Variants in ATG2B observed in about 807,000 individuals in gnomAD.
The protein encoded by ATG2B is autophagy-related protein 2 homolog B.
In ATG2B, 121 loss-of-function variants were observed where a neutral mutation model predicts 241.3. That is an observed-to-expected ratio of 0.50 (90% CI 0.43 to 0.58). ATG2B has a LOEUF of 0.58. Among genes scored for constraint, ATG2B ranks in the 20% least tolerant of loss-of-function variants. ATG2B has a pLI of 0.00. For synonymous variants in ATG2B, 858 were observed against 876.6 expected (o/e 0.98, Z 0.37); for missense variants, 2,306 against 2,491.6 (o/e 0.93, Z 1.59).
In ATG2B at chr14:96,356,477, A is replaced by AT. The variant is rs749858833; in HGVS notation, c.162+6337dup. Among the ~76,000 whole-genome samples the AT allele has an allele frequency of 3.9e-3, 590 of 150,868 alleles. 6 individuals carry two copies. The highest frequency in any genetic ancestry group is 0.013 in the African/African-American group (542 of 41,494). ...CAAAATCATGTGTTAACATATCATA[A>AT]TTTTTTTTAACGTAGTACTGGTTTG... On this transcript the variant is annotated intron_variant, in intron 1 of 41. Coordinates refer to ENST00000359933, the MANE Select transcript of ATG2B (RefSeq NM_018036.7).
At position 96,315,136 on chromosome 14, in the gene ATG2B, A is replaced by T. The variant is rs775506709; in HGVS notation, c.3642+18T>A. ...CAAATTTTTAAATAAATTAATACAT[A>T]TATAACAGCTCTCTTACCTGCTCAT... On this transcript the variant is annotated intron_variant, in intron 23 of 41. Coordinates refer to ENST00000359933, the MANE Select transcript of ATG2B (RefSeq NM_018036.7). 2 of 1,596,606 alleles carry T rather than the reference A, an allele frequency of 1.3e-6. No individual in the cohort carries two copies. The highest frequency in any genetic ancestry group is 1.7e-5 in the Admixed American group (1 of 59,612).
rs149587278 is a variant in ATG2B, at chr14:96,354,054, A to G, written c.163-6713T>C. 5.4e-3 allele frequency among the ~76,000 whole-genome samples: 820 copies of G among 152,346 alleles called. 27 individuals carry two copies. The South Asian group carries it at 0.067, about 13-fold the overall frequency. On this transcript the variant is annotated intron_variant, in intron 1 of 41. Coordinates refer to ENST00000359933, the MANE Select transcript of ATG2B (RefSeq NM_018036.7). ...AATAAAAAGTAAGTCAATTTTAAAC[A>G]TACAAGGAATATGTAGTTTTTTAAA...
rs564164140 is a variant in ATG2B at position 96,355,592 on chromosome 14, A to T, written c.162+7223T>A. 2.6e-5 allele frequency among the ~76,000 whole-genome samples: 4 copies of T among 152,310 alleles called. No individual in the cohort carries two copies. The East Asian group carries it at 7.7e-4, about 29-fold the overall frequency. On this transcript the variant is annotated intron_variant, in intron 1 of 41. Coordinates refer to ENST00000359933, the MANE Select transcript of ATG2B (RefSeq NM_018036.7). ...CACAGAGTTACTGTGACCATTAATG[A>T]GGTAATATATGTAAAACTACCAACA... is the stretch of plus-strand genomic sequence containing the variant.
intron 33 of ATG2B, 52 bp from the exon 34 acceptor site, chr14:96,302,160 C>A (rs1011778850): frequency 2.7e-6 from 3 of 1,108,952 alleles, no homozygotes; most frequent in Non-Finnish European, 4.0e-6. Flanking sequence ...TGATGACCTT[C>A]TTCTCTTTAA....
chr14:96,328,215 T>C lies in ATG2B; in HGVS notation c.2163+132A>G, dbSNP rs916950714. On this transcript the variant is annotated intron_variant, in intron 14 of 41. Coordinates refer to ENST00000359933, the MANE Select transcript of ATG2B (RefSeq NM_018036.7). Reference sequence around the variant, plus strand: ...AAGACATAAAAGATGTCTCCTTTTTTTATTATTACAAATAATGCTATTTTA... The same window carrying C: ...AAGACATAAAAGATGTCTCCTTTTTCTATTATTACAAATAATGCTATTTTA... 8.3e-6 allele frequency: 5 copies of C among 599,252 alleles called. No individual in the cohort carries two copies. In the East Asian group the frequency reaches 1.2e-4, roughly 14 times the overall value. The allele number at this position is 599,252 out of a possible 1,614,324, so 37.1% of individuals were successfully genotyped here. A position where few individuals can be genotyped will look rare whatever the true frequency, so the allele number is the denominator to read the frequency against.
chr14:96,331,519 C>A lies in ATG2B; in HGVS notation c.1587G>T (p.Thr529=). 6.2e-7 allele frequency: 1 copy of A among 1,614,050 alleles called. No homozygotes were observed. Among genetic ancestry groups the A allele is most frequent in the Middle Eastern group, 1.7e-4 (1 of 6,060 alleles). ...LHIDPLSPPE[T]SQNLNPLTPM... is the part of the protein sequence containing the mutation. Reference sequence around the variant, plus strand: ...GTGTCAATGGATTAAGGTTCTGTGACGTTTCAGGTGGAGATAAAGGATCAA... The same window carrying A: ...GTGTCAATGGATTAAGGTTCTGTGAAGTTTCAGGTGGAGATAAAGGATCAA... Residue 529 remains threonine, a synonymous_variant, in exon 11 of 42, where the codon ACG becomes ACT. Coordinates refer to ENST00000359933, the MANE Select transcript of ATG2B (RefSeq NM_018036.7).
At chr14:96,315,099 T>C (rs1285921493) in intron 23 of ATG2B, 55 bp downstream of exon 23, 36 of 1,307,586 alleles carry the variant, frequency 2.8e-5, no homozygotes, top group Non-Finnish European at 3.9e-5. Context: ...GTATGTGTAT[T>C]AGATGTCAAC....
chr14:96,328,569 A>C, intron 13 of ATG2B, 34 bp from the exon 14 acceptor site: 1 of 1,570,080 alleles, frequency 6.4e-7, no homozygotes, highest in Admixed American at 2.0e-5. Context: ...GCATTAATAC[A>C]ATCACTAAAA....
chr14:96,347,255 C>G lies in ATG2B; in HGVS notation c.249G>C (p.Trp83Cys), dbSNP rs1888193727. The G allele has an allele frequency of 1.9e-6, 3 of 1,611,918 alleles. No individual in the cohort carries two copies. The highest frequency in any genetic ancestry group is 2.5e-6 in the Non-Finnish European group (3 of 1,178,360). The change falls in exon 2 of 42, where the codon TGG becomes TGC. Residue 83 changes from tryptophan to cysteine, a missense_variant. Coordinates refer to ENST00000359933, the MANE Select transcript of ATG2B (RefSeq NM_018036.7). ...CACAATTATCCTGCAGTAAAGAGCC[C>G]CATGGAACTGACAGGGAAATTGACT... ...FIQSISLSVP[W>C]GSLLQDNCAL...
chr14:96,336,830 C>T (rs958256711), intron 6 of ATG2B, among the ~76,000 whole-genome samples: 2 of 152,144 alleles, frequency 1.3e-5, no homozygotes, highest in Admixed American at 1.3e-4. Context: ...ACCTGTTCTG[C>T]TAACAATCCC....
intron 16 of ATG2B, among the ~76,000 whole-genome samples, chr14:96,323,353 C>T (rs1595311559): frequency 6.6e-6 from 1 of 152,284 alleles, no homozygotes; most frequent in African/African-American, 2.4e-5. Flanking sequence ...TAAGCTTCTA[C>T]AGAACATCTC....
At chr14:96,295,308 C>T (rs1354927518) in intron 35 of ATG2B, 141 bp from the exon 36 acceptor site, 7 of 977,878 alleles carry the variant, frequency 7.2e-6, no homozygotes, top group Non-Finnish European at 1.0e-5. Flanking sequence ...TTGCTTTCAC[C>T]TTTTAAATTA....
Position 96,363,171 on chromosome 14 carries a change from G to C in ATG2B, c.-195C>G, listed in dbSNP as rs868064641. On this transcript the variant is annotated 5_prime_UTR_variant, in exon 1 of 42. Transcript: ENST00000359933. ...CTCGCGCTGGGCCTGGCGGAGGCAAGACGCAGAGGGGTCCTCCTGGCCCCA... is the reference window on the plus strand; with the variant it reads ...CTCGCGCTGGGCCTGGCGGAGGCAACACGCAGAGGGGTCCTCCTGGCCCCA... 6.7e-6 allele frequency: 4 copies of C among 592,952 alleles called. No individual in the cohort carries two copies. Among genetic ancestry groups the C allele is most frequent in the Middle Eastern group, 4.5e-4 (1 of 2,206 alleles). 36.7% of individuals were successfully genotyped at this position (592,952 alleles called of 1,614,324 possible).
intron 1 of ATG2B, among the ~76,000 whole-genome samples, chr14:96,354,446 G>C (rs1164314335): frequency 6.6e-6 from 1 of 152,164 alleles, no homozygotes; most frequent in African/African-American, 2.4e-5. Flanking sequence ...GCCTGCAAAG[G>C]ACATGATCTC....
intron 1 of ATG2B, among the ~76,000 whole-genome samples, chr14:96,362,601 A>C (rs749095503): frequency 2.0e-5 from 3 of 151,090 alleles, no homozygotes; most frequent in African/African-American, 7.3e-5. Context: ...ATTCCATTAC[A>C]TCTGTTAAAG....
intron 8 of ATG2B, 94 bp downstream of exon 8, chr14:96,333,594 T>C (rs1186653241): frequency 8.6e-7 from 1 of 1,165,304 alleles, no homozygotes; most frequent in Admixed American, 2.5e-5. Context: ...TGTTCTTTCA[T>C]TCCTAAACTT....
In ATG2B at chr14:96,306,807, T is replaced by C; in HGVS notation, c.4413A>G (p.Ser1471=). 1 of 1,614,168 alleles carries C rather than the reference T, an allele frequency of 6.2e-7. No homozygotes were observed. The highest frequency in any genetic ancestry group is 8.5e-7 in the Non-Finnish European group (1 of 1,180,032). Residue 1471 remains serine (S), a synonymous_variant, in exon 30 of 42, where the codon TCA becomes TCG. Transcript: ENST00000359933. ...CATCACTGATGAAATGGTGAGAGAA[T>C]GAGGCATAGGTGGGGCCGGACTCCT... is the stretch of plus-strand genomic sequence containing the variant. ...VSQESGPTYA[S]FSHHFISDAM...
At chr14:96,352,644 G>A (rs540525262) in intron 1 of ATG2B, among the ~76,000 whole-genome samples, 1 of 151,544 alleles carries the variant, frequency 6.6e-6, no homozygotes, top group East Asian at 1.9e-4. Context: ...ACAAAAAAAT[G>A]CTTATAGCAT....
intron 36 of ATG2B, among the ~76,000 whole-genome samples, 162 bp from the exon 37 acceptor site, chr14:96,292,260 C>T (rs1886506743): frequency 1.3e-5 from 2 of 152,144 alleles, no homozygotes; most frequent in African/African-American, 2.4e-5. Flanking sequence ...TTAGCTCTAT[C>T]TTTTCCTAAT....
Sources: allele counts gnomAD v4.1 joint callset (sites outside exome capture counted in the v4.1 genomes callset), GRCh38; gene constraint gnomAD v4.1.1; transcripts MANE v1.5; gene names NCBI Gene and HGNC (gene_info 2026-07-23, HGNC 2026-07-21).